The following TBC1D5 variants were observed in gnomAD, a reference collection of about 807,000 sequenced individuals.
TBC1D5 encodes the protein TBC1 domain family member 5.
A neutral mutation model predicts 100.3 loss-of-function variants in TBC1D5; 75 were observed. The observed-to-expected ratio is 0.75, with a 90% CI of 0.62 to 0.91. The LOEUF (loss-of-function observed/expected upper bound fraction) is 0.91, where lower values mean the gene tolerates loss of function less well. TBC1D5 is among the 40% of genes least tolerant of loss of function. The pLI is 0.00. For synonymous variants in TBC1D5, 323 were observed against 325.6 expected (o/e 0.99, Z 0.09); for missense variants, 910 against 942.4 (o/e 0.97, Z 0.45).
chr3:17,288,775 T>C (rs923186654), intron 15 of TBC1D5, among the ~76,000 whole-genome samples: 3 of 152,202 alleles, frequency 2.0e-5, no homozygotes, highest in African/African-American at 7.2e-5. Context: ...CAGCATGATC[T>C]TGTTCTTGGA....
chr3:17,213,039 A>G (rs2073170390), intron 18 of TBC1D5, among the ~76,000 whole-genome samples: 1 of 152,190 alleles, frequency 6.6e-6, no homozygotes, highest in African/African-American at 2.4e-5. Flanking sequence ...GCCCAGAGCC[A>G]CTTCCAGGCT....
chr3:17,666,717 T>C (rs552208372), intron 1 of TBC1D5, among the ~76,000 whole-genome samples: 33 of 152,248 alleles, frequency 2.2e-4, no homozygotes, highest in African/African-American at 7.9e-4. Context: ...ACAAAAGCCC[T>C]ACCTGTGTAA....
At chr3:17,283,261 C>A (rs1434272663) in intron 15 of TBC1D5, among the ~76,000 whole-genome samples, 1 of 152,140 alleles carries the variant, frequency 6.6e-6, no homozygotes, top group African/African-American at 2.4e-5. Context: ...TTCTACAGTT[C>A]AAGAAATGAA....
chr3:17,511,086 T>A (rs1037753491), intron 2 of TBC1D5, among the ~76,000 whole-genome samples: 17 of 152,050 alleles, frequency 1.1e-4, no homozygotes, highest in Admixed American at 2.0e-4. Flanking sequence ...CACCCTTTAC[T>A]CTGCTTCAGC....
chr3:17,667,586 G>A lies in TBC1D5; in HGVS notation c.-100-43673C>T, dbSNP rs1261367719. Reference sequence around the variant, plus strand: ...CCAACCTCAGTCTTCCAAGTAGCTGGGACTACAAGCATGCACCACCGCACC... The same window carrying A: ...CCAACCTCAGTCTTCCAAGTAGCTGAGACTACAAGCATGCACCACCGCACC... On this transcript the variant is annotated intron_variant, in intron 1 of 21. Coordinates refer to ENST00000253692, the Ensembl canonical transcript of TBC1D5. 4.6e-5 allele frequency among the ~76,000 whole-genome samples: 7 copies of A among 151,542 alleles called. No individual in the cohort carries two copies. In the East Asian group the frequency reaches 9.7e-4, roughly 21 times the overall value.
chr3:17,594,845 C>T (rs926721469), intron 2 of TBC1D5, among the ~76,000 whole-genome samples: 7 of 151,930 alleles, frequency 4.6e-5, no homozygotes, highest in African/African-American at 1.5e-4. Context: ...AAGGGGTGGA[C>T]GTGTGATGGT....
At chr3:17,472,825 G>A (rs191130553) in intron 3 of TBC1D5, among the ~76,000 whole-genome samples, 4 of 152,226 alleles carry the variant, frequency 2.6e-5, no homozygotes, top group East Asian at 1.9e-4. Context: ...CATTAACAAC[G>A]AAACCAGGAT....
intron 16 of TBC1D5, among the ~76,000 whole-genome samples, chr3:17,251,779 T>C (rs901596421): frequency 2.0e-5 from 3 of 152,240 alleles, no homozygotes; most frequent in Non-Finnish European, 2.9e-5. Context: ...AAAATGGGAA[T>C]TGACATTTTC....
exon 3 of TBC1D5, chr3:17,508,516 C>T (rs1353583724): frequency 1.9e-6 from 3 of 1,613,718 alleles, no homozygotes; most frequent in East Asian, 2.2e-5. Flanking sequence ...TCAATGCCTA[C>T]TTCTTGTTCT....
At chr3:17,618,524 C>T (rs1475852103) in intron 2 of TBC1D5, among the ~76,000 whole-genome samples, 1 of 152,230 alleles carries the variant, frequency 6.6e-6, no homozygotes, top group Non-Finnish European at 1.5e-5. Flanking sequence ...TCTATAGAGG[C>T]AATAGAACTT....
At chr3:17,334,219 G>C (rs1179516716) in intron 13 of TBC1D5, among the ~76,000 whole-genome samples, 4 of 152,030 alleles carry the variant, frequency 2.6e-5, no homozygotes, top group Non-Finnish European at 5.9e-5. Context: ...CTGCAGAGTA[G>C]AGACAGATAC....
intron 13 of TBC1D5, among the ~76,000 whole-genome samples, chr3:17,365,868 G>A (rs1209009090): frequency 6.6e-6 from 1 of 152,158 alleles, no homozygotes; most frequent in Non-Finnish European, 1.5e-5. Context: ...TAGCTCAAGA[G>A]TTCAAAGCCT....
intron 3 of TBC1D5, among the ~76,000 whole-genome samples, chr3:17,498,658 G>A (rs2095746320): frequency 6.6e-6 from 1 of 152,144 alleles, no homozygotes; most frequent in African/African-American, 2.4e-5. Context: ...CAAATGTAAT[G>A]TAGACTCGGC....
chr3:17,178,065 C>CTT (rs1491426969), intron 19 of TBC1D5, among the ~76,000 whole-genome samples: 5 of 110,798 alleles, frequency 4.5e-5, no homozygotes, highest in Non-Finnish European at 5.7e-5. Flanking sequence ...GAATAGTGCT[C>CTT]CTTTTTTTTT....
chr3:17,285,880 T>C (rs529527282), intron 15 of TBC1D5, among the ~76,000 whole-genome samples: 1 of 152,222 alleles, frequency 6.6e-6, no homozygotes, highest in African/African-American at 2.4e-5. Context: ...TGGCCAAGCA[T>C]TGTACATTGT....
chr3:17,486,402 A>C (rs2095568874), intron 3 of TBC1D5, among the ~76,000 whole-genome samples: 2 of 152,176 alleles, frequency 1.3e-5, no homozygotes. Flanking sequence ...TTTAGACTTG[A>C]AGTCCTTGCC....
intron 15 of TBC1D5, among the ~76,000 whole-genome samples, chr3:17,288,989 A>G (rs1200901839): frequency 6.6e-6 from 1 of 152,200 alleles, no homozygotes; most frequent in African/African-American, 2.4e-5. Context: ...TGGGTTGCGG[A>G]CAACAGGACT....
intron 2 of TBC1D5, among the ~76,000 whole-genome samples, chr3:17,598,008 G>GA (rs2060686482): frequency 1.5e-5 from 1 of 65,140 alleles, no homozygotes; most frequent in Non-Finnish European, 3.4e-5. Flanking sequence ...CTGCCCCCCC[G>GA]CCCCCCAACC....
intron 3 of TBC1D5, among the ~76,000 whole-genome samples, chr3:17,495,635 TAGA>T (rs2095697588): frequency 6.6e-6 from 1 of 152,226 alleles, no homozygotes; most frequent in African/African-American, 2.4e-5. Context: ...GTAGGCCAGA[TAGA>T]AGAAGTAACC....
Sources: allele counts gnomAD v4.1 joint callset (sites outside exome capture counted in the v4.1 genomes callset), GRCh38; gene constraint gnomAD v4.1.1; transcripts MANE v1.5; gene names NCBI Gene and HGNC (gene_info 2026-07-23, HGNC 2026-07-21).